The following GALNT2 variants were observed in gnomAD, a reference collection of about 807,000 sequenced individuals.
GALNT2 encodes polypeptide N-acetylgalactosaminyltransferase 2, also known as UDP-GalNAc:polypeptide N-acetylgalactosaminyltransferase 2.
GALNT2 carries 31 observed loss-of-function variants against 81.4 expected under a neutral mutation model. That is an observed-to-expected ratio of 0.38 (90% CI 0.29 to 0.51). The LOEUF (loss-of-function observed/expected upper bound fraction) is 0.51. Ranked by LOEUF, GALNT2 falls within the 20% of genes least tolerant of loss-of-function variation. The pLI, the probability that GALNT2 is intolerant of heterozygous loss-of-function variation, is 0.87. For missense variants in GALNT2, 629 were observed against 765.7 expected (o/e 0.82, Z 2.11); for synonymous variants, 303 against 287.4 (o/e 1.05, Z -0.55).
intron 1 of GALNT2, among the ~76,000 whole-genome samples, chr1:230,150,031 G>T (rs1198815373): frequency 6.6e-6 from 1 of 152,200 alleles, no homozygotes; most frequent in Non-Finnish European, 1.5e-5. Context: ...CATAATAGAG[G>T]TTGACAGCCA....
chr1:230,121,948 C>CAT (rs1661028530), intron 1 of GALNT2, among the ~76,000 whole-genome samples: 1 of 104,012 alleles, frequency 9.6e-6, no homozygotes. Context: ...TACTGTTATG[C>CAT]TTTTTTTTTT....
chr1:230,209,320 A>T (rs1355122733), intron 3 of GALNT2, among the ~76,000 whole-genome samples: 2 of 151,828 alleles, frequency 1.3e-5, no homozygotes, highest in Non-Finnish European at 2.9e-5. Context: ...TCCTTTGTGG[A>T]GGTGATTAAG....
intron 3 of GALNT2, among the ~76,000 whole-genome samples, chr1:230,235,760 TAGAA>T (rs766217321): frequency 2.0e-5 from 3 of 152,190 alleles, no homozygotes; most frequent in Non-Finnish European, 4.4e-5. Context: ...TTTAACGTGT[TAGAA>T]AGATGTTCTC....
intron 1 of GALNT2, among the ~76,000 whole-genome samples, chr1:230,172,085 C>A (rs1662811719): frequency 6.6e-6 from 1 of 152,202 alleles, no homozygotes; most frequent in Non-Finnish European, 1.5e-5. Flanking sequence ...CTCCACCAAA[C>A]CCGATTTCAC....
chr1:230,247,218 T>G (rs1413422876), intron 8 of GALNT2, among the ~76,000 whole-genome samples: 1 of 152,184 alleles, frequency 6.6e-6, no homozygotes, highest in Non-Finnish European at 1.5e-5. Flanking sequence ...ACCCTGCTTA[T>G]TCATACACAC....
intron 1 of GALNT2, among the ~76,000 whole-genome samples, chr1:230,128,391 G>GA (rs1661261127): frequency 9.6e-6 from 1 of 103,644 alleles, no homozygotes. Context: ...TTGGAGTTTT[G>GA]GGGGGCTCTG....
intron 1 of GALNT2, among the ~76,000 whole-genome samples, chr1:230,068,071 A>ACCCGGCC (rs1659256137): frequency 6.6e-6 from 1 of 151,834 alleles, no homozygotes; most frequent in African/African-American, 2.4e-5. Context: ...CCTCTGCCCA[A>ACCCGGCC]CCCGGCCCCC....
At chr1:230,068,062 C>T (rs1366519120) in intron 1 of GALNT2, among the ~76,000 whole-genome samples, 2 of 152,242 alleles carry the variant, frequency 1.3e-5, no homozygotes, top group African/African-American at 2.4e-5. Flanking sequence ...CAGCGTTACC[C>T]TCTGCCCAAC....
intron 11 of GALNT2, among the ~76,000 whole-genome samples, chr1:230,261,517 A>G (rs969135764): frequency 3.3e-5 from 5 of 152,236 alleles, no homozygotes; most frequent in African/African-American, 9.6e-5. Flanking sequence ...AGACCAGAAT[A>G]TGGGAGCAAA....
intron 1 of GALNT2, among the ~76,000 whole-genome samples, chr1:230,138,551 A>G (rs1012386227): frequency 1.1e-4 from 16 of 151,588 alleles, no homozygotes; most frequent in African/African-American, 3.4e-4. Flanking sequence ...AAAATGAAAC[A>G]GAAGAAAGAA....
At chr1:230,121,064 A>G (rs1661001316) in intron 1 of GALNT2, among the ~76,000 whole-genome samples, 1 of 152,208 alleles carries the variant, frequency 6.6e-6, no homozygotes, top group South Asian at 2.1e-4. Context: ...CCTGCTGGCC[A>G]CGTACCCTTT....
intron 1 of GALNT2, among the ~76,000 whole-genome samples, chr1:230,145,325 G>T (rs1661882228): frequency 6.6e-6 from 1 of 152,182 alleles, no homozygotes. Context: ...AAGTTTGTGG[G>T]GTTTCCTGGC....
chr1:230,173,351 G>A (rs1374237981), intron 1 of GALNT2, among the ~76,000 whole-genome samples: 2 of 152,152 alleles, frequency 1.3e-5, no homozygotes. Flanking sequence ...TAGACCTCTG[G>A]TTAAACTTCC....
At chr1:230,186,091 G>A (rs79012127) in intron 2 of GALNT2, among the ~76,000 whole-genome samples, 3,418 of 152,290 alleles carry the variant, frequency 0.022, 121 homozygotes, top group African/African-American at 0.076. Flanking sequence ...ACGGAATAAC[G>A]ACTTTCAAGC....
intron 1 of GALNT2, among the ~76,000 whole-genome samples, chr1:230,160,654 C>T (rs559897034): frequency 4.0e-5 from 6 of 149,322 alleles, no homozygotes; most frequent in South Asian, 2.3e-4. Flanking sequence ...ATGGAGGTTG[C>T]GGTGAGCCAA....
chr1:230,169,732 G>A (rs953888883), intron 1 of GALNT2, among the ~76,000 whole-genome samples: 4 of 152,178 alleles, frequency 2.6e-5, no homozygotes, highest in South Asian at 2.1e-4. Context: ...CCCCACCAGT[G>A]TGTTTTTCTC....
intron 3 of GALNT2, among the ~76,000 whole-genome samples, chr1:230,207,213 G>T (rs1332825032): frequency 6.6e-6 from 1 of 151,994 alleles, no homozygotes; most frequent in Non-Finnish European, 1.5e-5. Flanking sequence ...TGCAAGATAT[G>T]AAGAATCATA....
chr1:230,106,152 C>T (rs565015016), intron 1 of GALNT2, among the ~76,000 whole-genome samples: 5 of 152,286 alleles, frequency 3.3e-5, no homozygotes, highest in African/African-American at 9.6e-5. Context: ...AGGCATTGTC[C>T]GCTCTGTTTC....
At chr1:230,097,267 A>T (rs2057234) in intron 1 of GALNT2, among the ~76,000 whole-genome samples, 65,186 of 151,994 alleles carry the variant, frequency 0.43, 13,989 homozygotes, top group South Asian at 0.54. Flanking sequence ...TAATTTATCA[A>T]CTTAACCATT....
Sources: gnomAD v4.1 joint callset for allele counts (sites outside exome capture counted in the v4.1 genomes callset) on GRCh38, gnomAD v4.1.1 for gene constraint, MANE v1.5 for transcripts, NCBI Gene and HGNC (gene_info 2026-07-23, HGNC 2026-07-21) for gene names.